MTPAP: variants seen among roughly 807,000 people sequenced by gnomAD.
MTPAP encodes mitochondrial poly(A) polymerase.
Under a neutral mutation model 48.7 loss-of-function variants are expected in MTPAP, and 23 were observed. The observed-to-expected ratio is 0.47, with a 90% CI of 0.34 to 0.67. MTPAP has a LOEUF of 0.67. MTPAP is among the 30% of genes least tolerant of loss of function. MTPAP has a pLI of 0.01. For missense variants in MTPAP, 614 were observed against 694.3 expected (o/e 0.88, Z 1.30); for synonymous variants, 257 against 254.1 (o/e 1.01, Z -0.11).
At chr10:30,335,247 G>A (rs1440073139) in intron 4 of MTPAP, among the ~76,000 whole-genome samples, 1 of 152,160 alleles carries the variant, frequency 6.6e-6, no homozygotes, top group African/African-American at 2.4e-5. Context: ...AGCACTTTTG[G>A]GAGGCTGAGG....
rs118148487 is a variant in MTPAP, at chr10:30,313,597, A to G, written c.*12T>C. 49 of 1,614,166 alleles carry G rather than the reference A, an allele frequency of 3.0e-5. No individual in the cohort carries two copies. Among genetic ancestry groups the G allele is most frequent in the Non-Finnish European group, 3.8e-5 (45 of 1,180,018 alleles). ...TAGGCTAAGCCCAGTTCTTTACACA[A>G]TGTAGCAGCCATCATGTCTGAGTAC... is the stretch of plus-strand genomic sequence containing the variant. On this transcript the variant is annotated 3_prime_UTR_variant, in exon 9 of 9. Coordinates refer to ENST00000263063, the MANE Select transcript of MTPAP (RefSeq NM_018109.4).
At chr10:30,332,322 T>C (rs1312997183) in intron 4 of MTPAP, among the ~76,000 whole-genome samples, 1 of 152,222 alleles carries the variant, frequency 6.6e-6, no homozygotes, top group Non-Finnish European at 1.5e-5. Context: ...TGACAGAGTC[T>C]TGCTATTTCG....
intron 6 of MTPAP, among the ~76,000 whole-genome samples, chr10:30,318,148 C>T (rs1033639795): frequency 1.3e-5 from 2 of 152,144 alleles, no homozygotes; most frequent in African/African-American, 2.4e-5. Context: ...CGTGAGCCAC[C>T]GTGCCCGGCC....
intron 5 of MTPAP, among the ~76,000 whole-genome samples, chr10:30,324,827 C>A (rs565268893): frequency 6.6e-6 from 1 of 152,012 alleles, no homozygotes; most frequent in Non-Finnish European, 1.5e-5. Context: ...CATGATGAAA[C>A]CCTGTCTCTA....
At chr10:30,338,824 G>A (rs899592444) in intron 3 of MTPAP, among the ~76,000 whole-genome samples, 6 of 151,970 alleles carry the variant, frequency 3.9e-5, no homozygotes, top group Non-Finnish European at 7.4e-5. Context: ...GCAAGTCTGA[G>A]TAAGAAACAC....
intron 4 of MTPAP, 90 bp from the exon 5 acceptor site, chr10:30,326,725 G>T: frequency 1.1e-6 from 1 of 946,654 alleles, no homozygotes; most frequent in Non-Finnish European, 1.6e-6. Context: ...CTAAATCACT[G>T]CTGGAAAGCA....
Position 30,340,434 on chromosome 10 carries a change from A to G in MTPAP, c.347T>C (p.Val116Ala). 1 of 1,614,052 alleles carries G rather than the reference A, an allele frequency of 6.2e-7. No individual in the cohort carries two copies. The highest frequency in any genetic ancestry group is 8.5e-7 in the Non-Finnish European group (1 of 1,179,906). Residue 116 changes from valine (V) to alanine (A), a missense_variant, in exon 3 of 9, where the codon GTA becomes GCA. By Grantham distance (64) the Val-to-Ala change is moderately conservative (BLOSUM62 0). This residue lies in a region of MTPAP where 114 missense variants were observed against 107.9 expected (regional missense o/e 1.06). Coordinates refer to ENST00000263063, the MANE Select transcript of MTPAP (RefSeq NM_018109.4). ...FYESFGLYAV[V>A]EFCQKESIGS... The stretch of plus-strand genomic sequence containing the variant: ...TATGCTTTCCTTTTGGCAAAATTCT[A>G]CGACAGCATAGAGACCCTATACCAA...
In MTPAP at chr10:30,330,680, T is replaced by C. The variant is rs918719880; in HGVS notation, c.781-4045A>G. On this transcript the variant is annotated intron_variant, in intron 4 of 8. Transcript: ENST00000263063. ...TGCTCACCATATGTTCTGTATCACC[T>C]TTCTGGCATTTGGAAGATCTCATGT... Among the ~76,000 whole-genome samples, 7 of 152,338 alleles carry C rather than the reference T, an allele frequency of 4.6e-5. No homozygotes were observed. In the South Asian group the frequency reaches 1.4e-3, roughly 32 times the overall value.
chr10:30,325,905 G>A (rs548810023), intron 5 of MTPAP, among the ~76,000 whole-genome samples: 6 of 149,680 alleles, frequency 4.0e-5, no homozygotes, highest in South Asian at 2.1e-4. Flanking sequence ...AAAGCCATCC[G>A]GTCTTAAGCT....
At chr10:30,324,138 A>G (rs1834552102) in intron 5 of MTPAP, among the ~76,000 whole-genome samples, 1 of 150,896 alleles carries the variant, frequency 6.6e-6, no homozygotes. Flanking sequence ...GCCAAAATTA[A>G]GCCACTGGGC....
intron 4 of MTPAP, among the ~76,000 whole-genome samples, chr10:30,332,744 G>GGAGGCT (rs1834684501): frequency 6.6e-6 from 1 of 152,102 alleles, no homozygotes; most frequent in South Asian, 2.1e-4. Flanking sequence ...CAGCACTTTG[G>GGAGGCT]GAGGCTGAGG....
intron 4 of MTPAP, among the ~76,000 whole-genome samples, chr10:30,334,030 A>G (rs1281146254): frequency 6.6e-6 from 1 of 152,210 alleles, no homozygotes; most frequent in Non-Finnish European, 1.5e-5. Flanking sequence ...GTACTGTGGA[A>G]TAAGTATATG....
chr10:30,317,245 G>C (rs904976291), intron 6 of MTPAP, among the ~76,000 whole-genome samples: 1 of 152,122 alleles, frequency 6.6e-6, no homozygotes, highest in Non-Finnish European at 1.5e-5. Context: ...TGGAAATGTA[G>C]GGAGTTCCCC....
Position 30,310,211 on chromosome 10 carries a change from G to A in MTPAP, c.*3398C>T, listed in dbSNP as rs575130749. The stretch of plus-strand genomic sequence containing the variant: ...TAATAAAAATATTTTAAAAATCTGG[G>A]TTGTGATACACTAAAGTTATGAGAA... On this transcript the variant is annotated 3_prime_UTR_variant, in exon 9 of 9. Transcript: ENST00000263063. 8.5e-5 allele frequency: 13 copies of A among 152,232 alleles called. No homozygotes were observed. The highest frequency in any genetic ancestry group is 3.1e-4 in the African/African-American group (13 of 41,538). 9.4% of individuals were successfully genotyped at this position (152,232 alleles called of 1,614,324 possible).
At chr10:30,338,243 G>A (rs1016630629) in intron 3 of MTPAP, among the ~76,000 whole-genome samples, 6 of 149,984 alleles carry the variant, frequency 4.0e-5, no homozygotes, top group African/African-American at 1.2e-4. Flanking sequence ...CTGGGCAACA[G>A]AGCAAGACTC....
At chr10:30,321,078 G>A (rs531286507) in intron 6 of MTPAP, among the ~76,000 whole-genome samples, 10 of 152,216 alleles carry the variant, frequency 6.6e-5, no homozygotes, top group South Asian at 4.1e-4. Flanking sequence ...AACACCTGAC[G>A]CATAGGAAGT....
At chr10:30,342,675 A>G (rs970645364) in intron 1 of MTPAP, among the ~76,000 whole-genome samples, 2 of 152,154 alleles carry the variant, frequency 1.3e-5, no homozygotes, top group African/African-American at 4.8e-5. Flanking sequence ...GTGTAATGAG[A>G]CAATGAGTTT....
rs140068229 is a variant in MTPAP, at chr10:30,323,913, G to A, written c.993-1296C>T. 3.3e-5 allele frequency among the ~76,000 whole-genome samples: 5 copies of A among 152,328 alleles called. No individual in the cohort carries two copies. In the East Asian group the frequency reaches 9.6e-4, roughly 29 times the overall value. On this transcript the variant is annotated intron_variant, in intron 5 of 8. Coordinates refer to ENST00000263063, the MANE Select transcript of MTPAP (RefSeq NM_018109.4). ...TATTAATAAATGGCTGGGTACAGTA[G>A]CTCACACCTGTGATCTCAGAACTTT...
chr10:30,327,443 G>A (rs974595791), intron 4 of MTPAP, among the ~76,000 whole-genome samples: 4 of 151,760 alleles, frequency 2.6e-5, no homozygotes, highest in African/African-American at 9.7e-5. Context: ...AGGTTGCAGT[G>A]AGCCAAGATC....
Sources: allele counts gnomAD v4.1 joint callset (sites outside exome capture counted in the v4.1 genomes callset), GRCh38; gene constraint gnomAD v4.1.1; regional missense constraint gnomAD v4.1.1; transcripts MANE v1.5; gene names NCBI Gene and HGNC (gene_info 2026-07-23, HGNC 2026-07-21).